Variants in KIAA0319 observed in about 807,000 individuals in gnomAD.
KIAA0319 encodes the protein KIAA0319.
A neutral mutation model predicts 108.4 loss-of-function variants in KIAA0319; 83 were observed. The observed-to-expected ratio is 0.77, with a 90% CI of 0.64 to 0.92. KIAA0319 has a LOEUF of 0.92. Ranked by LOEUF, KIAA0319 falls within the 40% of genes least tolerant of loss-of-function variation. The pLI, the probability that KIAA0319 is intolerant of heterozygous loss-of-function variation, is 0.00. For missense variants in KIAA0319, 1,195 were observed against 1,322.4 expected (o/e 0.90, Z 1.49); for synonymous variants, 484 against 510.4 (o/e 0.95, Z 0.70).
At chr6:24,591,473 G>A (rs1445690957) in intron 3 of KIAA0319, among the ~76,000 whole-genome samples, 1 of 152,028 alleles carries the variant, frequency 6.6e-6, no homozygotes, top group Non-Finnish European at 1.5e-5. Context: ...AATTAGCTGG[G>A]CACTGTGGTC....
At chr6:24,642,827 C>A (rs750619693) in intron 1 of KIAA0319, among the ~76,000 whole-genome samples, 2 of 151,928 alleles carry the variant, frequency 1.3e-5, no homozygotes, top group Admixed American at 1.3e-4. Flanking sequence ...TCAAGTGATT[C>A]GCCTGCCTCA....
intron 1 of KIAA0319, among the ~76,000 whole-genome samples, chr6:24,638,550 G>A (rs918486006): frequency 6.6e-5 from 10 of 152,068 alleles, no homozygotes; most frequent in African/African-American, 2.2e-4. Context: ...CACAAGGTCA[G>A]GAGATCGAGA....
At chr6:24,614,360 C>A (rs1772840753) in intron 1 of KIAA0319, among the ~76,000 whole-genome samples, 1 of 152,138 alleles carries the variant, frequency 6.6e-6, no homozygotes, top group South Asian at 2.1e-4. Context: ...AGCCAGTTAT[C>A]TATGCAGCCT....
chr6:24,586,367 C>T (rs1767485880), intron 4 of KIAA0319, among the ~76,000 whole-genome samples: 2 of 152,152 alleles, frequency 1.3e-5, no homozygotes, highest in Admixed American at 6.5e-5. Flanking sequence ...GCTCTGAAAA[C>T]AGAGTAGAAG....
downstream of KIAA0319, among the ~76,000 whole-genome samples, chr6:24,543,464 C>T (rs1760284552): frequency 6.6e-6 from 1 of 152,064 alleles, no homozygotes. Context: ...AGATGGCCTC[C>T]TTCTGTGGCC....
intron 15 of KIAA0319, among the ~76,000 whole-genome samples, chr6:24,563,912 T>C (rs1026722583): frequency 2.0e-5 from 3 of 152,156 alleles, no homozygotes; most frequent in African/African-American, 7.2e-5. Flanking sequence ...CTCTGTGCCC[T>C]GGTATGAGGC....
intron 1 of KIAA0319, among the ~76,000 whole-genome samples, chr6:24,637,215 C>T (rs62400559): frequency 0.029 from 4,493 of 152,340 alleles, 74 homozygotes; most frequent in Non-Finnish European, 0.039. Context: ...TTTTGAGATG[C>T]TCAAGGCACT....
intron 9 of KIAA0319, 61 bp from the exon 10 acceptor site, chr6:24,576,657 C>G (rs1168100982): frequency 7.6e-7 from 1 of 1,318,740 alleles, no homozygotes; most frequent in Non-Finnish European, 1.1e-6. Flanking sequence ...CAGTGACTCA[C>G]GCCTGTAATC....
intron 1 of KIAA0319, 144 bp from the exon 2 acceptor site, chr6:24,601,352 C>CTAGAGCGTTTGTTCAAA: frequency 7.5e-7 from 1 of 1,325,418 alleles, no homozygotes; most frequent in Non-Finnish European, 9.6e-7. Context: ...AAACATCCAC[C>CTAGAGCGTTTGTTCAAA]TAGAGCGTTT....
In KIAA0319 at chr6:24,578,172, C is replaced by T; in HGVS notation, c.1443G>A (p.Lys481=). The T allele has an allele frequency of 6.2e-7, 1 of 1,613,090 alleles. No individual in the cohort carries two copies. Among genetic ancestry groups the T allele is most frequent in the Non-Finnish European group, 8.5e-7 (1 of 1,179,202 alleles). The change falls in exon 9 of 21, where the codon AAG becomes AAA. Residue 481 remains lysine, a synonymous_variant. Transcript: ENST00000378214. The part of the protein sequence containing the change: ...EEINGPFIEE[K]TSVDSPVLRL... ...GTAAGACGGGAGAGTCAACTGAAGT[C>T]TTCTCTTCTATGAAGGGCCCGTTTA...
chr6:24,568,548 T>C (rs918730561), intron 13 of KIAA0319, among the ~76,000 whole-genome samples: 1 of 152,204 alleles, frequency 6.6e-6, no homozygotes, highest in Non-Finnish European at 1.5e-5. Flanking sequence ...AAGAGTGAAG[T>C]CATTAGAAGA....
At chr6:24,595,836 C>T in intron 3 of KIAA0319, 37 bp downstream of exon 3, 1 of 1,553,720 alleles carries the variant, frequency 6.4e-7, no homozygotes, top group Non-Finnish European at 8.7e-7. Context: ...CCCCACTCAG[C>T]CCATCCCACC....
chr6:24,594,639 C>CAA (rs1158240106), intron 3 of KIAA0319, among the ~76,000 whole-genome samples: 4 of 43,284 alleles, frequency 9.2e-5, no homozygotes, highest in Admixed American at 6.0e-4. Context: ...AAAAAAAAAA[C>CAA]AACAAAAAAA....
At chr6:24,602,024 T>C (rs545523444) in intron 1 of KIAA0319, among the ~76,000 whole-genome samples, 1 of 151,958 alleles carries the variant, frequency 6.6e-6, no homozygotes, top group African/African-American at 2.4e-5. Context: ...GTATTTCTTT[T>C]TTTTTTTTTT....
At chr6:24,635,081 A>T (rs1310154508) in intron 1 of KIAA0319, among the ~76,000 whole-genome samples, 1 of 152,112 alleles carries the variant, frequency 6.6e-6, no homozygotes, top group Non-Finnish European at 1.5e-5. Flanking sequence ...TAGGAACAAA[A>T]GGAAAGGCAG....
chr6:24,626,615 C>T (rs373531194), intron 1 of KIAA0319, among the ~76,000 whole-genome samples: 3 of 152,192 alleles, frequency 2.0e-5, no homozygotes, highest in East Asian at 3.9e-4. Context: ...TTATACTTTA[C>T]ATGGGTAAAT....
chr6:24,555,607 G>A (rs572597266), intron 18 of KIAA0319, among the ~76,000 whole-genome samples: 81 of 152,048 alleles, frequency 5.3e-4, no homozygotes, highest in Non-Finnish European at 9.0e-4. Context: ...GTATTAAATG[G>A]GAATATACTT....
chr6:24,619,706 G>C (rs913043629), intron 1 of KIAA0319, among the ~76,000 whole-genome samples: 1 of 152,098 alleles, frequency 6.6e-6, no homozygotes, highest in Non-Finnish European at 1.5e-5. Flanking sequence ...AATGCACGAG[G>C]GGGGAAATGG....
chr6:24,633,813 G>A (rs902802242), intron 1 of KIAA0319, among the ~76,000 whole-genome samples: 7 of 152,018 alleles, frequency 4.6e-5, no homozygotes, highest in African/African-American at 1.2e-4. Flanking sequence ...CTTTTTATTC[G>A]GACTTATTCT....
Sources: allele counts gnomAD v4.1 joint callset (sites outside exome capture counted in the v4.1 genomes callset), GRCh38; gene constraint gnomAD v4.1.1; transcripts MANE v1.5; gene names NCBI Gene and HGNC (gene_info 2026-07-23, HGNC 2026-07-21).